Variants in TRIM55 observed in about 807,000 individuals in gnomAD.
TRIM55 encodes tripartite motif-containing protein 55.
A neutral mutation model predicts 60.9 loss-of-function variants in TRIM55; 50 were observed. The ratio of observed to expected loss-of-function variants is 0.82; its 90% CI spans 0.65 to 1.04. TRIM55 has a LOEUF of 1.04. Ranked by LOEUF, TRIM55 falls within the 50% of genes least tolerant of loss-of-function variation. The pLI is 0.00. For missense variants in TRIM55, 681 were observed against 666.9 expected, an observed-to-expected ratio of 1.02 and a Z score of -0.23; for synonymous variants, 237 against 238.1, an observed-to-expected ratio of 1.00 and a Z score of 0.04.
chr8:66,164,191 G>A (rs1014384175), intron 9 of TRIM55, among the ~76,000 whole-genome samples: 12 of 152,076 alleles, frequency 7.9e-5, no homozygotes, highest in African/African-American at 2.7e-4. Flanking sequence ...CACATGGCAG[G>A]CCATGGGGAA....
intron 9 of TRIM55, among the ~76,000 whole-genome samples, chr8:66,158,276 A>G (rs1164877622): frequency 6.6e-6 from 1 of 152,056 alleles, no homozygotes; most frequent in Non-Finnish European, 1.5e-5. Flanking sequence ...CTCTATATAG[A>G]ACCACAGCTC....
chr8:66,115,572 C>T, the TRIM55 span, among the ~76,000 whole-genome samples: 8 of 152,104 alleles, frequency 5.3e-5, no homozygotes, highest in Non-Finnish European at 8.8e-5. Context: ...ACACACGTTT[C>T]GGGGAGGTGA....
chr8:66,169,249 GTAAA>G (rs1811488772), intron 9 of TRIM55, among the ~76,000 whole-genome samples: 1 of 152,132 alleles, frequency 6.6e-6, no homozygotes, highest in African/African-American at 2.4e-5. Context: ...TGCATTTGGG[GTAAA>G]GGGGGCTACT....
At chr8:66,133,930 C>T (rs902261657) in intron 2 of TRIM55, among the ~76,000 whole-genome samples, 2 of 152,104 alleles carry the variant, frequency 1.3e-5, no homozygotes, top group African/African-American at 2.4e-5. Flanking sequence ...TACACACATA[C>T]ACAAACACAC....
At chr8:66,154,849 G>C (rs1380418516) in intron 9 of TRIM55, among the ~76,000 whole-genome samples, 2 of 152,344 alleles carry the variant, frequency 1.3e-5, no homozygotes, top group East Asian at 3.9e-4. Context: ...GCTAGACAGA[G>C]ACAGTCTTGG....
At chr8:66,123,702 T>A (rs949211368), upstream of TRIM55, among the ~76,000 whole-genome samples, 11 of 152,036 alleles carry the variant, frequency 7.2e-5, no homozygotes, top group African/African-American at 2.7e-4. Context: ...GCAAAAAATT[T>A]AAAAAATTAG....
intron 4 of TRIM55, among the ~76,000 whole-genome samples, chr8:66,137,985 G>A (rs565903938): frequency 6.6e-6 from 1 of 152,120 alleles, no homozygotes; most frequent in South Asian, 2.1e-4. Flanking sequence ...AGTTACATCC[G>A]TGCTGCTCTG....
Position 66,150,248 on chromosome 8 carries a change from TTTTTA to T in TRIM55, c.860+16_860+20del. On this transcript the variant is annotated intron_variant, in intron 6 of 9. Transcript: ENST00000315962. Reference sequence around the variant, plus strand: ...AAAACCCTGCTAAAAAAGTAAGAACTTTTTATTTTATGTAAAAATGCATATTTTCA... The same window carrying T: ...AAAACCCTGCTAAAAAAGTAAGAACTTTTTATGTAAAAATGCATATTTTCA... 1 of 1,613,050 alleles carries T rather than the reference TTTTTA, an allele frequency of 6.2e-7. No homozygotes were observed. Among genetic ancestry groups the T allele is most frequent in the Non-Finnish European group, 8.5e-7 (1 of 1,179,394 alleles).
chr8:66,114,509 G>A, the TRIM55 span: 1 of 455,506 alleles, frequency 2.2e-6, no homozygotes, highest in Non-Finnish European at 4.4e-6. Flanking sequence ...GCCGTCACAT[G>A]TATTATCACT....
intron 8 of TRIM55, 88 bp downstream of exon 8, chr8:66,152,715 G>A: frequency 1.3e-6 from 2 of 1,493,190 alleles, no homozygotes; most frequent in Non-Finnish European, 1.8e-6. Context: ...TCTGCCTTAA[G>A]AAAAAGATAA....
At chr8:66,164,416 T>C (rs1056639381) in intron 9 of TRIM55, among the ~76,000 whole-genome samples, 21 of 152,320 alleles carry the variant, frequency 1.4e-4, no homozygotes, top group Middle Eastern at 6.8e-3. Context: ...TCTTGTACAT[T>C]TTCATGACAT....
chr8:66,128,978 G>A (rs894368246), intron 2 of TRIM55, among the ~76,000 whole-genome samples: 3 of 152,068 alleles, frequency 2.0e-5, no homozygotes, highest in Admixed American at 2.0e-4. Context: ...TCTAACATAG[G>A]TTGTCACTGT....
intron 8 of TRIM55, 73 bp from the exon 9 acceptor site, chr8:66,153,974 A>G (rs1366222411): frequency 6.8e-7 from 1 of 1,469,922 alleles, no homozygotes; most frequent in Non-Finnish European, 9.1e-7. Flanking sequence ...AAAGGGAACT[A>G]AAATCAACTG....
upstream of TRIM55, among the ~76,000 whole-genome samples, chr8:66,126,527 G>GTATTTATT (rs1344508751): frequency 1.3e-5 from 2 of 152,078 alleles, no homozygotes; most frequent in East Asian, 1.9e-4. Context: ...ATTTATGCAT[G>GTATTTATT]TATTTATTTA....
chr8:66,132,024 A>C (rs947435332), intron 2 of TRIM55, among the ~76,000 whole-genome samples: 1 of 152,220 alleles, frequency 6.6e-6, no homozygotes, highest in African/African-American at 2.4e-5. Context: ...GCTTGTGTTC[A>C]TTCTGCCACA....
intron 4 of TRIM55, among the ~76,000 whole-genome samples, chr8:66,143,039 G>A (rs1258633499): frequency 6.6e-6 from 1 of 152,166 alleles, no homozygotes. Context: ...TTTGCTTATT[G>A]AAGGGAATTT....
intron 9 of TRIM55, among the ~76,000 whole-genome samples, chr8:66,164,423 A>T (rs375498041): frequency 6.6e-6 from 1 of 152,184 alleles, no homozygotes; most frequent in East Asian, 1.9e-4. Flanking sequence ...CATTTTCATG[A>T]CATACCTGTG....
At chr8:66,168,735 T>A (rs1180506956) in intron 9 of TRIM55, among the ~76,000 whole-genome samples, 2 of 152,186 alleles carry the variant, frequency 1.3e-5, no homozygotes, top group Admixed American at 1.3e-4. Flanking sequence ...TACTCAGAGA[T>A]TGAGGAAATG....
At chr8:66,119,930 G>C in the TRIM55 span, among the ~76,000 whole-genome samples, 2 of 152,162 alleles carry the variant, frequency 1.3e-5, no homozygotes, top group South Asian at 4.1e-4. Flanking sequence ...TACAGATATA[G>C]AACATTTCCA....
Sources: gnomAD v4.1 joint callset for allele counts (sites outside exome capture counted in the v4.1 genomes callset) on GRCh38, gnomAD v4.1.1 for gene constraint, MANE v1.5 for transcripts, NCBI Gene and HGNC (gene_info 2026-07-23, HGNC 2026-07-21) for gene names.